Variants in TPTE observed in about 807,000 individuals in gnomAD.
The protein encoded by TPTE is transmembrane phosphatase with tensin homology.
In TPTE, 59 loss-of-function variants were observed where a neutral mutation model predicts 84.1. The observed-to-expected ratio is 0.70, with a 90% CI of 0.57 to 0.87. TPTE has a LOEUF of 0.87. TPTE is among the 40% of genes least tolerant of loss of function. The pLI is 0.00. For missense variants in TPTE, 382 were observed against 659.6 expected (o/e 0.58, Z 4.61); for synonymous variants, 130 against 223.5 (o/e 0.58, Z 3.73).
chr21:10,556,354 C>T (rs1306942071), intron 8 of TPTE, among the ~76,000 whole-genome samples: 1 of 152,310 alleles, frequency 6.6e-6, no homozygotes, highest in Non-Finnish European at 1.5e-5. Flanking sequence ...CATCCATGTC[C>T]CTACAAAGGA....
At chr21:10,528,762 G>A (rs1211885056) in intron 3 of TPTE, among the ~76,000 whole-genome samples, 2 of 152,294 alleles carry the variant, frequency 1.3e-5, no homozygotes, top group Admixed American at 6.5e-5. Context: ...TGCTGCTGCT[G>A]TTGTTACTAT....
chr21:10,583,654 T>A (rs1280940078), intron 17 of TPTE, among the ~76,000 whole-genome samples: 2 of 152,310 alleles, frequency 1.3e-5, no homozygotes, highest in Admixed American at 6.5e-5. Flanking sequence ...AAATTTTCCT[T>A]GAGTTTAAAG....
intron 7 of TPTE, among the ~76,000 whole-genome samples, chr21:10,549,279 C>T (rs117389256): frequency 0.016 from 2,354 of 151,400 alleles, no homozygotes; most frequent in East Asian, 0.15. Flanking sequence ...TCACCAGATG[C>T]GTAGAAATCA....
chr21:10,539,403 A>G (rs1476005388), intron 4 of TPTE, among the ~76,000 whole-genome samples: 4 of 152,308 alleles, frequency 2.6e-5, no homozygotes, highest in African/African-American at 9.6e-5. Context: ...TCCCATGGAC[A>G]GGAAAGACTA....
chr21:10,555,837 A>C (rs1352984908), intron 8 of TPTE, among the ~76,000 whole-genome samples: 1 of 152,312 alleles, frequency 6.6e-6, no homozygotes, highest in Non-Finnish European at 1.5e-5. Context: ...ACATAATTAT[A>C]CCATTTTTTC....
At chr21:10,554,457 T>A (rs1459905858) in intron 8 of TPTE, among the ~76,000 whole-genome samples, 1 of 152,312 alleles carries the variant, frequency 6.6e-6, no homozygotes, top group Non-Finnish European at 1.5e-5. Context: ...CACTTAACAC[T>A]AGCCATCATT....
intron 7 of TPTE, among the ~76,000 whole-genome samples, chr21:10,550,440 T>G (rs1453455074): frequency 2.0e-5 from 3 of 152,302 alleles, no homozygotes; most frequent in Admixed American, 1.3e-4. Flanking sequence ...GCTATACTTG[T>G]ATCAGACAAA....
intron 8 of TPTE, among the ~76,000 whole-genome samples, chr21:10,558,238 T>A (rs1345995762): frequency 6.6e-5 from 10 of 152,304 alleles, no homozygotes; most frequent in African/African-American, 2.4e-4. Context: ...ATCTTTATAG[T>A]AGAATGATTT....
chr21:10,598,435 G>A (rs865954571), intron 21 of TPTE, among the ~76,000 whole-genome samples: 586 of 151,256 alleles, frequency 3.9e-3, no homozygotes, highest in African/African-American at 0.013. Context: ...CTTCTTCTCC[G>A]TCATTTGATC....
intron 8 of TPTE, among the ~76,000 whole-genome samples, chr21:10,555,891 A>G (rs1019146701): frequency 6.6e-6 from 1 of 152,308 alleles, no homozygotes; most frequent in African/African-American, 2.4e-5. Context: ...TGTGAAAGAT[A>G]AGAAATGCAA....
chr21:10,556,545 T>C (rs1198895268), intron 8 of TPTE, among the ~76,000 whole-genome samples: 2 of 152,310 alleles, frequency 1.3e-5, no homozygotes, highest in African/African-American at 2.4e-5. Flanking sequence ...TATAATCCTT[T>C]GGGTATATAC....
intron 1 of TPTE, among the ~76,000 whole-genome samples, chr21:10,522,172 CG>C (rs2073992001): frequency 6.6e-6 from 1 of 152,286 alleles, no homozygotes; most frequent in South Asian, 2.1e-4. Context: ...CTGAGTTCCC[CG>C]TGTCTGCTTT....
At chr21:10,594,604 G>A (rs2075546398) in intron 19 of TPTE, among the ~76,000 whole-genome samples, 1 of 152,310 alleles carries the variant, frequency 6.6e-6, no homozygotes, top group African/African-American at 2.4e-5. Flanking sequence ...GGAGAATCTA[G>A]TGGCAGAAGC....
At position 10,542,374 on chromosome 21, in the gene TPTE, TTTTCTC is replaced by T. The variant is rs759279099; in HGVS notation, c.66-18_66-13del. 2 of 1,609,802 alleles carry T rather than the reference TTTTCTC, an allele frequency of 1.2e-6. No individual in the cohort carries two copies. The highest frequency in any genetic ancestry group is 1.7e-6 in the Non-Finnish European group (2 of 1,177,014). On this transcript the variant is annotated splice_polypyrimidine_tract_variant and intron_variant, in intron 5 of 23. Coordinates refer to ENST00000618007, the MANE Select transcript of TPTE (RefSeq NM_199261.4). Reference sequence around the variant, plus strand: ...CAGAATTATGTCTCCTCTCTGACTGTTTTCTCTTATCATCCACTAGTCCACAGACAA... The same window carrying T: ...CAGAATTATGTCTCCTCTCTGACTGTTTATCATCCACTAGTCCACAGACAA...
At chr21:10,524,842 G>A (rs2074050741) in intron 2 of TPTE, among the ~76,000 whole-genome samples, 154 bp downstream of exon 2, 1 of 152,312 alleles carries the variant, frequency 6.6e-6, no homozygotes, top group Non-Finnish European at 1.5e-5. Flanking sequence ...TACTGCAGAT[G>A]AGCTGGTATA....
chr21:10,522,036 G>GAGCCGC (rs2073987621), intron 1 of TPTE, among the ~76,000 whole-genome samples: 1 of 152,184 alleles, frequency 6.6e-6, no homozygotes, highest in Non-Finnish European at 1.5e-5. Flanking sequence ...CTAGGAGCCG[G>GAGCCGC]AGCCGCAGGT....
chr21:10,598,314 T>C (rs2075628076), intron 21 of TPTE, among the ~76,000 whole-genome samples: 1 of 152,312 alleles, frequency 6.6e-6, no homozygotes, highest in Non-Finnish European at 1.5e-5. Context: ...CCAGAATTTA[T>C]TTCTGGTCAG....
chr21:10,532,842 C>T (rs1008874325), intron 3 of TPTE, among the ~76,000 whole-genome samples: 5 of 152,296 alleles, frequency 3.3e-5, no homozygotes, highest in African/African-American at 1.2e-4. Context: ...TGATATTGAT[C>T]CTGTGGACTT....
At chr21:10,597,337 A>G (rs2075606664) in intron 20 of TPTE, among the ~76,000 whole-genome samples, 1 of 152,312 alleles carries the variant, frequency 6.6e-6, no homozygotes, top group South Asian at 2.1e-4. Flanking sequence ...TTATGATTAG[A>G]AGTCTGAAGA....
Sources: allele counts gnomAD v4.1 joint callset (sites outside exome capture counted in the v4.1 genomes callset), GRCh38; gene constraint gnomAD v4.1.1; transcripts MANE v1.5; gene names NCBI Gene and HGNC (gene_info 2026-07-23, HGNC 2026-07-21).